The following SLC4A10 variants were observed in gnomAD, a reference collection of about 807,000 sequenced individuals.
SLC4A10 encodes the protein solute carrier family 4 member 10.
In SLC4A10, 42 loss-of-function variants were observed where a neutral mutation model predicts 137.7. The ratio of observed to expected loss-of-function variants is 0.30; its 90% CI spans 0.24 to 0.39. The LOEUF is 0.39. Among genes scored for constraint, SLC4A10 ranks in the 10% least tolerant of loss-of-function variants. The pLI, the probability that SLC4A10 is intolerant of heterozygous loss-of-function variation, is 1.00. For synonymous variants in SLC4A10, 474 were observed against 464.1 expected, an observed-to-expected ratio of 1.02 and a Z score of -0.27; for missense variants, 925 against 1,355.0, an observed-to-expected ratio of 0.68 and a Z score of 4.98.
chr2:161,629,768 T>C (rs533474142), intron 1 of SLC4A10, among the ~76,000 whole-genome samples: 1 of 151,992 alleles, frequency 6.6e-6, no homozygotes, highest in South Asian at 2.1e-4. Context: ...AGTTTTGCAT[T>C]TTTTAGAGTA....
At chr2:161,633,235 T>C (rs1013665242) in intron 1 of SLC4A10, among the ~76,000 whole-genome samples, 2 of 151,710 alleles carry the variant, frequency 1.3e-5, no homozygotes, top group African/African-American at 4.8e-5. Context: ...TTGAGAAGCA[T>C]CCATATGTGA....
chr2:161,731,373 T>G (rs1035787868), intron 1 of SLC4A10, among the ~76,000 whole-genome samples: 1 of 152,150 alleles, frequency 6.6e-6, no homozygotes, highest in Non-Finnish European at 1.5e-5. Flanking sequence ...TAGCTTAACA[T>G]CTATATATTC....
In SLC4A10 at chr2:161,828,652, A is replaced by G. The variant is rs566974022; in HGVS notation, c.278-11137A>G. Among the ~76,000 whole-genome samples, 940 of 144,200 alleles carry G rather than the reference A, an allele frequency of 6.5e-3. 8 individuals carry two copies. Among genetic ancestry groups the G allele is most frequent in the Non-Finnish European group, 0.011 (737 of 65,832 alleles). The allele number at this position is 144,200 out of a possible 152,430, so 94.6% of individuals were successfully genotyped here. On this transcript the variant is annotated intron_variant, in intron 3 of 26. Coordinates refer to ENST00000446997, the MANE Select transcript of SLC4A10 (RefSeq NM_001178015.2). Reference sequence around the variant, plus strand: ...AATTTTTGCTTTTCTTCTCTCTGGTATTTTTTCATCCTTGTTTGATTCAGA... The same window carrying G: ...AATTTTTGCTTTTCTTCTCTCTGGTGTTTTTTCATCCTTGTTTGATTCAGA...
intron 23 of SLC4A10, 33 bp downstream of exon 23, chr2:161,965,206 A>G (rs750349496): frequency 6.4e-7 from 1 of 1,567,320 alleles, no homozygotes; most frequent in Non-Finnish European, 8.7e-7. Flanking sequence ...ATAAAGAAAG[A>G]AAAAAGGAAC....
chr2:161,713,190 T>C (rs890668275), intron 1 of SLC4A10, among the ~76,000 whole-genome samples: 1 of 151,880 alleles, frequency 6.6e-6, no homozygotes, highest in Admixed American at 6.6e-5. Flanking sequence ...GAAAGGTTTG[T>C]TGGGACCAGA....
At chr2:161,756,640 T>C (rs1327017975) in intron 1 of SLC4A10, among the ~76,000 whole-genome samples, 2 of 152,078 alleles carry the variant, frequency 1.3e-5, no homozygotes, top group Non-Finnish European at 2.9e-5. Context: ...GAGAGGAACA[T>C]GGAGAAGTCA....
At chr2:161,810,209 C>T (rs181900323) in intron 3 of SLC4A10, among the ~76,000 whole-genome samples, 204 of 152,058 alleles carry the variant, frequency 1.3e-3, no homozygotes, top group Admixed American at 2.4e-3. Flanking sequence ...GACTTTTGTA[C>T]ATTGATTTTG....
chr2:161,627,668 T>C (rs1440498292), intron 1 of SLC4A10, among the ~76,000 whole-genome samples: 1 of 152,144 alleles, frequency 6.6e-6, no homozygotes, highest in Non-Finnish European at 1.5e-5. Context: ...AGTGATAATT[T>C]CCTTTTGCTG....
chr2:161,758,442 A>G (rs1197071746), intron 1 of SLC4A10, among the ~76,000 whole-genome samples: 1 of 151,970 alleles, frequency 6.6e-6, no homozygotes, highest in African/African-American at 2.4e-5. Flanking sequence ...TGTTGAATCC[A>G]TAAGCGTTTC....
At chr2:161,791,972 A>G (rs1293646157) in intron 2 of SLC4A10, among the ~76,000 whole-genome samples, 2 of 152,182 alleles carry the variant, frequency 1.3e-5, no homozygotes, top group African/African-American at 4.8e-5. Context: ...ACAAAAGTAT[A>G]GCTTCATAAT....
At chr2:161,967,260 G>GGT (rs1286174532) in intron 23 of SLC4A10, among the ~76,000 whole-genome samples, 1 of 151,958 alleles carries the variant, frequency 6.6e-6, no homozygotes, top group African/African-American at 2.4e-5. Context: ...AGTGAATGTG[G>GGT]GTGTGTGTGT....
chr2:161,853,521 T>C (rs955175168), intron 4 of SLC4A10, among the ~76,000 whole-genome samples: 1 of 152,222 alleles, frequency 6.6e-6, no homozygotes, highest in Admixed American at 6.5e-5. Flanking sequence ...CAGGTAGTGA[T>C]GTTCTACACT....
chr2:161,654,715 A>C (rs1211884315), intron 1 of SLC4A10, among the ~76,000 whole-genome samples: 1 of 152,056 alleles, frequency 6.6e-6, no homozygotes, highest in African/African-American at 2.4e-5. Context: ...TGGGCTCTCT[A>C]TTCTGTTTCA....
intron 7 of SLC4A10, among the ~76,000 whole-genome samples, chr2:161,873,530 C>CAAAAAAAAAAAAA: frequency 5.8e-5 from 1 of 17,328 alleles, no homozygotes; most frequent in Non-Finnish European, 1.1e-4. Flanking sequence ...GACCACATCT[C>CAAAAAAAAAAAAA]AAAAAAAAAA....
intron 16 of SLC4A10, among the ~76,000 whole-genome samples, 182 bp downstream of exon 16, chr2:161,943,079 G>A (rs1401192737): frequency 6.6e-6 from 1 of 152,026 alleles, no homozygotes; most frequent in African/African-American, 2.4e-5. Flanking sequence ...CATTATTAAG[G>A]TTGTTCTAAT....
chr2:161,753,620 T>TTAG (rs1231440698), intron 1 of SLC4A10, among the ~76,000 whole-genome samples: 1 of 152,218 alleles, frequency 6.6e-6, no homozygotes, highest in African/African-American at 2.4e-5. Context: ...GTCATAGCTA[T>TTAG]TAGTAGTAGT....
At chr2:161,738,294 G>A (rs1559140743) in intron 1 of SLC4A10, among the ~76,000 whole-genome samples, 1 of 152,108 alleles carries the variant, frequency 6.6e-6, no homozygotes, top group African/African-American at 2.4e-5. Flanking sequence ...AAAAACTTTA[G>A]GCAAATTATA....
At chr2:161,906,039 A>T (rs983946119) in intron 15 of SLC4A10, among the ~76,000 whole-genome samples, 152 bp downstream of exon 15, 13 of 152,242 alleles carry the variant, frequency 8.5e-5, no homozygotes, top group African/African-American at 3.1e-4. Flanking sequence ...CAGGATTTTA[A>T]AAGTTATTTA....
chr2:161,776,202 T>G (rs1214621540), intron 2 of SLC4A10, among the ~76,000 whole-genome samples: 1 of 151,874 alleles, frequency 6.6e-6, no homozygotes, highest in Non-Finnish European at 1.5e-5. Context: ...GAACTTGAGA[T>G]GAAACTCTGC....
Sources: gnomAD v4.1 joint callset for allele counts (sites outside exome capture counted in the v4.1 genomes callset) on GRCh38, gnomAD v4.1.1 for gene constraint, MANE v1.5 for transcripts, NCBI Gene and HGNC (gene_info 2026-07-23, HGNC 2026-07-21) for gene names.